The following SPATA16 variants were observed in gnomAD, a reference collection of about 807,000 sequenced individuals.
SPATA16 encodes the protein spermatogenesis associated 16.
In SPATA16, 36 loss-of-function variants were observed where a neutral mutation model predicts 63.3. The observed-to-expected ratio is 0.57, with a 90% CI of 0.44 to 0.75. SPATA16 has a LOEUF of 0.75. SPATA16 is among the 30% of genes least tolerant of loss of function. The probability of loss-of-function intolerance (pLI) is 0.00; values close to 1 mark genes in which losing one functional copy is unlikely to be tolerated. For synonymous variants in SPATA16, 203 were observed against 216.7 expected (o/e 0.94, Z 0.56); for missense variants, 646 against 679.3 (o/e 0.95, Z 0.54).
At position 173,009,184 on chromosome 3, in the gene SPATA16, CTGGAGAGAAAACAG is replaced by C. The variant is rs554115185; in HGVS notation, c.848+10288_848+10301del. On this transcript the variant is annotated intron_variant, in intron 4 of 10. Transcript: ENST00000351008. ...TAGAAGCAGCTAGAGCCTGTGGCTC[CTGGAGAGAAAACAG>C]TGGAGAGAAAACACTAAGCTCTTCA... 3.1e-3 allele frequency among the ~76,000 whole-genome samples: 469 copies of C among 152,304 alleles called. 3 individuals are homozygous for C. Among genetic ancestry groups the C allele is most frequent in the Non-Finnish European group, 4.8e-3 (327 of 68,032 alleles).
At chr3:173,075,292 G>T (rs1736772020) in intron 2 of SPATA16, among the ~76,000 whole-genome samples, 1 of 152,102 alleles carries the variant, frequency 6.6e-6, no homozygotes, top group African/African-American at 2.4e-5. Flanking sequence ...TGCTGAGGAT[G>T]GATGTGTAAA....
intron 2 of SPATA16, among the ~76,000 whole-genome samples, chr3:173,110,901 A>T (rs1335679803): frequency 1.3e-5 from 2 of 152,224 alleles, no homozygotes; most frequent in Non-Finnish European, 2.9e-5. Context: ...TTGTCCCTGG[A>T]CCAGCATTAT....
intron 5 of SPATA16, among the ~76,000 whole-genome samples, chr3:172,961,066 CTTT>C (rs369668314): frequency 0.41 from 14,407 of 34,734 alleles, 1,584 homozygotes; most frequent in African/African-American, 0.52. Context: ...TTTCTTTCTT[CTTT>C]CTTCCTTCCT....
intron 5 of SPATA16, among the ~76,000 whole-genome samples, chr3:172,975,636 G>GAAGGTCTTAAAATT (rs1480441652): frequency 2.6e-5 from 4 of 152,104 alleles, no homozygotes; most frequent in African/African-American, 9.7e-5. Flanking sequence ...ATTATCTTAG[G>GAAGGTCTTAAAATT]AAGGTCTTAA....
intron 6 of SPATA16, among the ~76,000 whole-genome samples, chr3:172,937,780 A>G (rs1031052594): frequency 3.9e-5 from 6 of 152,232 alleles, no homozygotes; most frequent in Admixed American, 1.3e-4. Flanking sequence ...CTAACTTAAA[A>G]AAAAGTAACT....
chr3:173,008,904 A>G (rs1734999231), intron 4 of SPATA16, among the ~76,000 whole-genome samples: 1 of 152,232 alleles, frequency 6.6e-6, no homozygotes, highest in South Asian at 2.1e-4. Flanking sequence ...AAAATAAAAA[A>G]TTGCTAAATG....
At chr3:172,935,015 G>A (rs1301794178) in intron 6 of SPATA16, among the ~76,000 whole-genome samples, 1 of 152,104 alleles carries the variant, frequency 6.6e-6, no homozygotes, top group African/African-American at 2.4e-5. Context: ...AAATAAAAAT[G>A]AGAGATATAA....
Position 172,892,909 on chromosome 3 carries a change from G to A in SPATA16, c.1588-3217C>T, listed in dbSNP as rs577161043. On this transcript the variant is annotated intron_variant, in intron 10 of 10. Transcript: ENST00000351008. The stretch of plus-strand genomic sequence containing the variant: ...GATAACTTTTTTTGTGTATATATGC[G>A]CCAATGCAGACTTGACATTACAGTG... Among the ~76,000 whole-genome samples the A allele has an allele frequency of 1.6e-4, 25 of 152,202 alleles. No homozygotes were observed. In the East Asian group the frequency reaches 3.9e-3, roughly 23 times the overall value.
chr3:172,980,575 G>T (rs917284771), intron 4 of SPATA16, among the ~76,000 whole-genome samples: 3 of 152,122 alleles, frequency 2.0e-5, no homozygotes, highest in African/African-American at 7.2e-5. Flanking sequence ...TAAGCACCAT[G>T]TTAAGCACTT....
chr3:172,977,167 TGTCTA>T lies in SPATA16; in HGVS notation c.849-120_849-116del. The T allele has an allele frequency of 6.9e-6, 6 of 871,322 alleles. No homozygotes were observed. In the South Asian group the frequency reaches 8.9e-5, roughly 13 times the overall value. The allele number at this position is 871,322 out of a possible 1,614,324, so 54.0% of individuals were successfully genotyped here. On this transcript the variant is annotated intron_variant, in intron 4 of 10. Transcript: ENST00000351008. ...GAAGATGATTTTTAATGTATAAATTTGTCTAGACTAATATTAAGCAAAACACAAAG... is the reference window on the plus strand; with the variant it reads ...GAAGATGATTTTTAATGTATAAATTTGACTAATATTAAGCAAAACACAAAG...
chr3:172,994,563 C>T (rs188507125), intron 4 of SPATA16, among the ~76,000 whole-genome samples: 33 of 151,696 alleles, frequency 2.2e-4, no homozygotes, highest in Admixed American at 1.0e-3. Context: ...TGCACACGCA[C>T]GTGATGGGAA....
intron 4 of SPATA16, among the ~76,000 whole-genome samples, chr3:173,015,558 T>G (rs950005058): frequency 1.3e-5 from 2 of 152,202 alleles, no homozygotes; most frequent in Non-Finnish European, 2.9e-5. Flanking sequence ...TGAGCACAGT[T>G]CTCATATTTA....
intron 1 of SPATA16, among the ~76,000 whole-genome samples, chr3:173,121,741 C>A (rs9839421): frequency 0.4 from 60,752 of 151,946 alleles, 14,650 homozygotes; most frequent in African/African-American, 0.68. Context: ...AGAGAAACAA[C>A]ATTGGATTTT....
intron 5 of SPATA16, among the ~76,000 whole-genome samples, chr3:172,970,961 AAAAC>A (rs1298160151): frequency 2.0e-5 from 3 of 152,320 alleles, no homozygotes; most frequent in East Asian, 1.9e-4. Flanking sequence ...ATCAAGAAGA[AAAAC>A]AAAGAATAGA....
chr3:173,074,040 A>T (rs549691729), intron 2 of SPATA16, among the ~76,000 whole-genome samples: 1 of 152,174 alleles, frequency 6.6e-6, no homozygotes, highest in Non-Finnish European at 1.5e-5. Context: ...TCGGACTTGC[A>T]TGGGGTCTTT....
intron 4 of SPATA16, among the ~76,000 whole-genome samples, chr3:173,011,856 T>C (rs187671409): frequency 6.6e-6 from 1 of 152,276 alleles, no homozygotes; most frequent in East Asian, 1.9e-4. Context: ...GTCTGAACTC[T>C]AGGATGGAGT....
At chr3:173,134,682 T>G (rs909177441) in intron 1 of SPATA16, among the ~76,000 whole-genome samples, 22 of 152,142 alleles carry the variant, frequency 1.4e-4, no homozygotes, top group Admixed American at 6.5e-5. Context: ...CAAATAAACT[T>G]ATTTTTAAAA....
At chr3:173,121,334 C>T (rs1337091422) in intron 1 of SPATA16, among the ~76,000 whole-genome samples, 1 of 151,994 alleles carries the variant, frequency 6.6e-6, no homozygotes, top group East Asian at 1.9e-4. Context: ...CCACCTCGCT[C>T]AATGTGTGTT....
At chr3:172,996,075 T>A (rs772908331) in intron 4 of SPATA16, among the ~76,000 whole-genome samples, 144 of 152,290 alleles carry the variant, frequency 9.5e-4, no homozygotes, top group Non-Finnish European at 1.7e-3. Context: ...ACACTTTTAA[T>A]GAGTACTGAC....
Sources: gnomAD v4.1 joint callset for allele counts (sites outside exome capture counted in the v4.1 genomes callset) on GRCh38, gnomAD v4.1.1 for gene constraint, MANE v1.5 for transcripts, NCBI Gene and HGNC (gene_info 2026-07-23, HGNC 2026-07-21) for gene names.